Variants in PTPRM observed in about 807,000 individuals in gnomAD.
The protein encoded by PTPRM is protein tyrosine phosphatase receptor type M, also known as receptor-type tyrosine-protein phosphatase mu.
Under a neutral mutation model 186.7 loss-of-function variants are expected in PTPRM, and 47 were observed. The ratio of observed to expected loss-of-function variants is 0.25; its 90% CI spans 0.20 to 0.32. PTPRM has a LOEUF of 0.32. PTPRM is among the 10% of genes least tolerant of loss of function. PTPRM has a pLI of 1.00. For missense variants in PTPRM, 1,494 were observed against 1,865.0 expected (o/e 0.80, Z 3.66); for synonymous variants, 668 against 674.9 (o/e 0.99, Z 0.16).
chr18:8,122,337 C>T (rs75962095), intron 13 of PTPRM: 4,228 of 152,758 alleles, frequency 0.028, 73 homozygotes, highest in Middle Eastern at 0.068. Context: ...CAAGTATAGA[C>T]GAGTCATCTT....
intron 1 of PTPRM, among the ~76,000 whole-genome samples, chr18:7,577,834 G>A (rs990828651): frequency 1.3e-5 from 2 of 152,170 alleles, no homozygotes; most frequent in African/African-American, 2.4e-5. Flanking sequence ...CATCCCAAAT[G>A]TGTGACTTTT....
chr18:7,619,875 C>T (rs576865218), intron 1 of PTPRM, among the ~76,000 whole-genome samples: 48 of 152,244 alleles, frequency 3.2e-4, no homozygotes, highest in African/African-American at 5.8e-4. Context: ...CAGGAAAGCT[C>T]GTGCTTGTTT....
At chr18:8,039,140 G>C (rs574870780) in intron 7 of PTPRM, among the ~76,000 whole-genome samples, 2 of 152,128 alleles carry the variant, frequency 1.3e-5, no homozygotes, top group South Asian at 2.1e-4. Context: ...GCCTTTGAAA[G>C]TTAATAAAAT....
chr18:7,946,365 T>C (rs2052524292), intron 5 of PTPRM, among the ~76,000 whole-genome samples: 1 of 152,250 alleles, frequency 6.6e-6, no homozygotes, highest in Admixed American at 6.5e-5. Flanking sequence ...AATGGATAGA[T>C]AGCCCTAAGG....
chr18:8,045,456 T>C (rs552872959), intron 7 of PTPRM, among the ~76,000 whole-genome samples: 2 of 152,324 alleles, frequency 1.3e-5, no homozygotes, highest in East Asian at 1.9e-4. Context: ...AAACGTCGTA[T>C]GTCTACCCGG....
chr18:7,633,794 A>T (rs941408250), intron 1 of PTPRM, among the ~76,000 whole-genome samples: 1 of 152,126 alleles, frequency 6.6e-6, no homozygotes, highest in Non-Finnish European at 1.5e-5. Flanking sequence ...TGTTTCTCTC[A>T]TGCCTACATT....
At chr18:8,005,379 G>A (rs761828071) in intron 7 of PTPRM, among the ~76,000 whole-genome samples, 2 of 152,044 alleles carry the variant, frequency 1.3e-5, no homozygotes, top group African/African-American at 2.4e-5. Context: ...TCACATCTCT[G>A]GGAAGTTCTT....
intron 2 of PTPRM, among the ~76,000 whole-genome samples, chr18:7,782,055 CTGGAGT>C (rs2042882728): frequency 2.6e-5 from 4 of 152,176 alleles, no homozygotes; most frequent in Admixed American, 2.6e-4. Context: ...ATAAATTGGA[CTGGAGT>C]TGTAGTCTCT....
chr18:8,356,570 G>A (rs1321384228), intron 23 of PTPRM, among the ~76,000 whole-genome samples: 2 of 152,218 alleles, frequency 1.3e-5, no homozygotes, highest in East Asian at 3.8e-4. Context: ...TAAGGAACAA[G>A]GCCATGGGCT....
chr18:8,077,763 A>G (rs1162684052), intron 9 of PTPRM, among the ~76,000 whole-genome samples: 3 of 152,196 alleles, frequency 2.0e-5, no homozygotes, highest in African/African-American at 7.2e-5. Flanking sequence ...TTTGAAATCA[A>G]CTTTAATTTC....
At chr18:8,167,813 G>A (rs1267981627) in intron 14 of PTPRM, among the ~76,000 whole-genome samples, 1 of 152,252 alleles carries the variant, frequency 6.6e-6, no homozygotes, top group Non-Finnish European at 1.5e-5. Flanking sequence ...AGATGAATGT[G>A]ATACAGCAGT....
At chr18:8,283,785 AT>A (rs891350911) in intron 19 of PTPRM, among the ~76,000 whole-genome samples, 98 of 148,096 alleles carry the variant, frequency 6.6e-4, no homozygotes, top group South Asian at 2.8e-3. Context: ...TACCTAGCTA[AT>A]TTTTTTTTTT....
At chr18:8,290,530 G>A (rs1377010166) in intron 19 of PTPRM, among the ~76,000 whole-genome samples, 1 of 151,958 alleles carries the variant, frequency 6.6e-6, no homozygotes, top group Non-Finnish European at 1.5e-5. Context: ...GGTATGAGGG[G>A]TGGGGAAGGA....
chr18:8,344,516 A>G (rs1193775629), intron 23 of PTPRM, among the ~76,000 whole-genome samples: 2 of 150,362 alleles, frequency 1.3e-5, no homozygotes, highest in African/African-American at 4.9e-5. Context: ...CCCCCTACAG[A>G]CATCTGGAAA....
At chr18:7,595,612 A>G (rs1217305638) in intron 1 of PTPRM, among the ~76,000 whole-genome samples, 4 of 152,226 alleles carry the variant, frequency 2.6e-5, no homozygotes, top group Non-Finnish European at 5.9e-5. Flanking sequence ...ATTTTAGTCT[A>G]CAGTGAAGTC....
chr18:8,194,016 A>G (rs907339254), intron 14 of PTPRM, among the ~76,000 whole-genome samples: 34 of 152,314 alleles, frequency 2.2e-4, no homozygotes, highest in East Asian at 1.3e-3. Context: ...ACACTCTGTA[A>G]TGTCACACTC....
chr18:8,231,426 A>G (rs532181939), intron 14 of PTPRM, among the ~76,000 whole-genome samples: 173 of 152,202 alleles, frequency 1.1e-3, no homozygotes, highest in Non-Finnish European at 1.1e-3. Flanking sequence ...CCAGGTGGCA[A>G]TTTGTTCTCC....
At chr18:8,400,604 C>T (rs763989872) in intron 32 of PTPRM, among the ~76,000 whole-genome samples, 3 of 152,156 alleles carry the variant, frequency 2.0e-5, no homozygotes, top group Non-Finnish European at 4.4e-5. Context: ...CAGCTCGCCG[C>T]CCCCTCCCCC....
At chr18:7,951,717 C>T (rs545537771) in intron 6 of PTPRM, among the ~76,000 whole-genome samples, 2 of 152,116 alleles carry the variant, frequency 1.3e-5, no homozygotes, top group African/African-American at 4.8e-5. Context: ...AATTTTATGG[C>T]CATATTTTGT....
Sources: allele counts gnomAD v4.1 joint callset (sites outside exome capture counted in the v4.1 genomes callset), GRCh38; gene constraint gnomAD v4.1.1; transcripts MANE v1.5; gene names NCBI Gene and HGNC (gene_info 2026-07-23, HGNC 2026-07-21).